Variants in RNF135 observed in about 807,000 individuals in gnomAD.
RNF135 encodes the protein ring finger protein 135.
Under a neutral mutation model 41.9 loss-of-function variants are expected in RNF135, and 46 were observed. The ratio of observed to expected loss-of-function variants is 1.10; its 90% CI spans 0.87 to 1.40. The LOEUF is 1.40. RNF135 is among the 40% of genes most tolerant of loss of function. The pLI, the probability that RNF135 is intolerant of heterozygous loss-of-function variation, is 0.00. For synonymous variants in RNF135, 238 were observed against 223.8 expected (o/e 1.06, Z -0.57); for missense variants, 539 against 549.8 (o/e 0.98, Z 0.20).
intron 1 of RNF135, among the ~76,000 whole-genome samples, chr17:30,981,708 C>G (rs1907163486): frequency 6.6e-6 from 1 of 152,172 alleles, no homozygotes; most frequent in Non-Finnish European, 1.5e-5. Flanking sequence ...GGAAGGCTTT[C>G]CAGGAATTTG....
rs139437454 is a variant in RNF135 at position 30,984,911 on chromosome 17, C to T, written c.516+151C>T. 100 of 973,942 alleles carry T rather than the reference C, an allele frequency of 1.0e-4. 1 individual carries two copies. In the East Asian group the frequency reaches 1.2e-3, roughly 12 times the overall value. The allele number at this position is 973,942 out of a possible 1,614,324, so 60.3% of individuals were successfully genotyped here. A position where few individuals can be genotyped will look rare whatever the true frequency, so the allele number is the denominator to read the frequency against. ...TTACTACCAGACATGGATGATTGGA[C>T]ATTTGGAATGCTTGAGGTAAGGTTG... On this transcript the variant is annotated intron_variant, in intron 2 of 4. Transcript: ENST00000328381.
intron 1 of RNF135, chr17:30,975,766 C>G (rs1906391675): frequency 8.8e-7 from 1 of 1,131,440 alleles, no homozygotes; most frequent in African/African-American, 1.5e-5. Flanking sequence ...ATCGGGTACC[C>G]TCTTTCCAGC....
rs1404167787 is a variant in RNF135 at position 30,981,087 on chromosome 17, C to A, written c.373-3530C>A. Among the ~76,000 whole-genome samples the A allele has an allele frequency of 2.0e-5, 3 of 148,198 alleles. No homozygotes were observed. The South Asian group carries it at 6.5e-4, about 32-fold the overall frequency. On this transcript the variant is annotated intron_variant, in intron 1 of 4. Transcript: ENST00000328381. ...TGGGCACCATTGAGCACTGAGTGAA[C>A]GAGACTCCATCTGCAATCCCGGCAC...
chr17:30,974,263 T>C (rs1229403206), intron 1 of RNF135, among the ~76,000 whole-genome samples: 3 of 152,228 alleles, frequency 2.0e-5, no homozygotes, highest in African/African-American at 4.8e-5. Flanking sequence ...TCTATATGTC[T>C]GTACTTATGC....
intron 3 of RNF135, among the ~76,000 whole-genome samples, chr17:30,989,984 C>CA (rs10627734): frequency 0.22 from 11,766 of 54,680 alleles, 2,692 homozygotes; most frequent in African/African-American, 0.53. Flanking sequence ...AACTCTGTCT[C>CA]AAAAAAAAAA....
intron 3 of RNF135, among the ~76,000 whole-genome samples, chr17:30,990,381 G>A (rs920535115): frequency 2.0e-5 from 3 of 151,986 alleles, no homozygotes; most frequent in African/African-American, 4.8e-5. Context: ...AAAATTAGCC[G>A]GGCGTGGTGG....
Position 30,999,605 on chromosome 17 carries a change from T to C in RNF135, c.*414T>C. Reference sequence around the variant, plus strand: ...GGGCCTTGGGCCATGCAGTATCAGCTTGACCTTGCAAGGTCAAGCTGAGGA... The same window carrying C: ...GGGCCTTGGGCCATGCAGTATCAGCCTGACCTTGCAAGGTCAAGCTGAGGA... On this transcript the variant is annotated 3_prime_UTR_variant, in exon 5 of 5. Coordinates refer to ENST00000328381, the MANE Select transcript of RNF135 (RefSeq NM_032322.4). 3 of 213,140 alleles carry C rather than the reference T, an allele frequency of 1.4e-5. No homozygotes were observed. The South Asian group carries it at 2.4e-4, about 17-fold the overall frequency. 13.2% of individuals were successfully genotyped at this position (213,140 alleles called of 1,614,324 possible). A position where few individuals can be genotyped will look rare whatever the true frequency, so the allele number is the denominator to read the frequency against.
At chr17:30,994,143 C>T (rs911003190) in intron 3 of RNF135, among the ~76,000 whole-genome samples, 1 of 152,148 alleles carries the variant, frequency 6.6e-6, no homozygotes, top group Non-Finnish European at 1.5e-5. Context: ...AAGTAATAAT[C>T]GTATCAGCAA....
intron 3 of RNF135, among the ~76,000 whole-genome samples, chr17:30,993,040 T>TTTATTA (rs58023443): frequency 0.1 from 14,628 of 146,222 alleles, 2,083 homozygotes; most frequent in African/African-American, 0.32. Flanking sequence ...GTTTTATTTG[T>TTTATTA]TTATTATTAT....
At chr17:30,975,089 G>A (rs1906324294) in intron 1 of RNF135, among the ~76,000 whole-genome samples, 1 of 150,612 alleles carries the variant, frequency 6.6e-6, no homozygotes, top group Non-Finnish European at 1.5e-5. Context: ...AGGAGTTCAA[G>A]ACCAGCCTGG....
At chr17:30,997,217 C>A in intron 3 of RNF135, 25 bp from the exon 4 acceptor site, 1 of 1,595,742 alleles carries the variant, frequency 6.3e-7, no homozygotes, top group Non-Finnish European at 8.6e-7. Flanking sequence ...TGGGACTTTC[C>A]TCTGTTAATT....
chr17:30,966,394 TTA>T (rs1307541109), upstream of RNF135, among the ~76,000 whole-genome samples: 26,919 of 146,380 alleles, frequency 0.18, 7,808 homozygotes, highest in African/African-American at 0.64. Flanking sequence ...TTTTATTTTA[TTA>T]TTTTTTTATT....
chr17:30,978,832 G>T (rs546100374), intron 1 of RNF135: 1 of 132,204 alleles, frequency 7.6e-6, no homozygotes, highest in East Asian at 2.1e-4. Flanking sequence ...CTGCCTTCAA[G>T]CATCTGTTTA....
At chr17:30,966,387 T>TAA (rs560201269), upstream of RNF135, among the ~76,000 whole-genome samples, 27 of 129,288 alleles carry the variant, frequency 2.1e-4, no homozygotes, top group African/African-American at 1.2e-3. Flanking sequence ...TTTTAAGTTT[T>TAA]ATTTTATTAT....
the RNF135 span, among the ~76,000 whole-genome samples, chr17:30,964,179 G>A: frequency 1.3e-5 from 2 of 151,852 alleles, no homozygotes; most frequent in African/African-American, 4.8e-5. Context: ...CCTGAGGTCA[G>A]GAATTTGAGA....
chr17:30,975,266 T>G (rs2142665688), intron 1 of RNF135: 3 of 540,700 alleles, frequency 5.5e-6, no homozygotes, highest in East Asian at 3.1e-5. Context: ...GAGGCTGCAG[T>G]GAGCTGTTTT....
At chr17:30,985,824 T>G (rs1043122148) in intron 2 of RNF135, among the ~76,000 whole-genome samples, 1 of 152,178 alleles carries the variant, frequency 6.6e-6, no homozygotes, top group Admixed American at 6.5e-5. Context: ...CATCTCTGTC[T>G]GCCTCTCAAA....
intron 1 of RNF135, among the ~76,000 whole-genome samples, chr17:30,983,353 A>ATATATATATATATATTTTTTT (rs1420453160): frequency 1.4e-4 from 5 of 35,734 alleles, no homozygotes; most frequent in African/African-American, 1.8e-4. Flanking sequence ...ATATATATAT[A>ATATATATATATATATTTTTTT]TTTTTTTTTT....
rs548491659 is a variant in RNF135 at position 30,976,550 on chromosome 17, T to G, written c.372+5105T>G. On this transcript the variant is annotated intron_variant, in intron 1 of 4. Transcript: ENST00000328381. Reference sequence around the variant, plus strand: ...AATTTGTTCAATGCCAAAAGTGGGTTGTTGAAGTCTCCAGCTGTTATTGTA... The same window carrying G: ...AATTTGTTCAATGCCAAAAGTGGGTGGTTGAAGTCTCCAGCTGTTATTGTA... Among the ~76,000 whole-genome samples, 94 of 152,060 alleles carry G rather than the reference T, an allele frequency of 6.2e-4. 2 individuals carry two copies. The highest frequency in any genetic ancestry group is 1.7e-3 in the African/African-American group (72 of 41,570).
Sources: gnomAD v4.1 joint callset for allele counts (sites outside exome capture counted in the v4.1 genomes callset) on GRCh38, gnomAD v4.1.1 for gene constraint, MANE v1.5 for transcripts, NCBI Gene and HGNC (gene_info 2026-07-23, HGNC 2026-07-21) for gene names.